SNTG1: variants seen among roughly 807,000 people sequenced by gnomAD.
SNTG1 encodes the protein gamma-1-syntrophin.
In SNTG1, 39 loss-of-function variants were observed where a neutral mutation model predicts 74.7. That is an observed-to-expected ratio of 0.52 (90% CI 0.40 to 0.68). SNTG1 has a LOEUF of 0.68. SNTG1 is among the 30% of genes least tolerant of loss of function. SNTG1 has a pLI of 0.00. For synonymous variants in SNTG1, 254 were observed against 217.1 expected (o/e 1.17, Z -1.49); for missense variants, 685 against 609.5 (o/e 1.12, Z -1.30).
rs72640733 is a variant in SNTG1, at chr8:50,220,251, G to A, written c.-28+47616G>A. On this transcript the variant is annotated intron_variant, in intron 2 of 18. Transcript: ENST00000642720. The stretch of plus-strand genomic sequence containing the variant: ...TTTCAATGCAGCTGTCTTTAATGTC[G>A]ATAGGAAGTGTGTGAAAGATTTGAA... Among the ~76,000 whole-genome samples, 519 of 152,164 alleles carry A rather than the reference G, an allele frequency of 3.4e-3. 2 individuals are homozygous for A. The highest frequency in any genetic ancestry group is 5.1e-3 in the Non-Finnish European group (346 of 68,020).
intron 1 of SNTG1, among the ~76,000 whole-genome samples, chr8:50,085,584 C>T (rs1320185980): frequency 6.6e-6 from 1 of 152,202 alleles, no homozygotes; most frequent in Non-Finnish European, 1.5e-5. Flanking sequence ...GTGTTAATTT[C>T]ATTCTTAGGC....
At chr8:50,146,301 T>C (rs772024014) in intron 1 of SNTG1, among the ~76,000 whole-genome samples, 34 of 152,148 alleles carry the variant, frequency 2.2e-4, no homozygotes, top group Non-Finnish European at 4.6e-4. Context: ...GTGGATCACC[T>C]GAGGTCAGGA....
At chr8:50,188,590 T>C (rs954475634) in intron 2 of SNTG1, among the ~76,000 whole-genome samples, 2 of 152,086 alleles carry the variant, frequency 1.3e-5, no homozygotes, top group Admixed American at 1.3e-4. Context: ...GTAAGAGCCA[T>C]GCACATTTGG....
chr8:50,126,320 A>C (rs1157897580), intron 1 of SNTG1, among the ~76,000 whole-genome samples: 1 of 152,178 alleles, frequency 6.6e-6, no homozygotes, highest in African/African-American at 2.4e-5. Flanking sequence ...CAGGCTGTAT[A>C]GTTTTATGAG....
At chr8:50,773,649 G>A (rs545726434) in intron 18 of SNTG1, among the ~76,000 whole-genome samples, 33 of 152,156 alleles carry the variant, frequency 2.2e-4, no homozygotes, top group African/African-American at 7.7e-4. Flanking sequence ...GGAAGAATGA[G>A]AATCTGATGT....
At chr8:50,212,649 G>C (rs1382836537) in intron 2 of SNTG1, among the ~76,000 whole-genome samples, 1 of 152,158 alleles carries the variant, frequency 6.6e-6, no homozygotes, top group Non-Finnish European at 1.5e-5. Context: ...GGCCACAGTG[G>C]TATGAGACAG....
chr8:49,913,026 A>G (rs983491679), intron 1 of SNTG1, among the ~76,000 whole-genome samples: 1 of 152,176 alleles, frequency 6.6e-6, no homozygotes. Flanking sequence ...GTTGATTCTT[A>G]TTTCTAGTTT....
At chr8:50,604,817 C>T (rs1374366837) in intron 13 of SNTG1, among the ~76,000 whole-genome samples, 2 of 152,108 alleles carry the variant, frequency 1.3e-5, no homozygotes, top group Non-Finnish European at 2.9e-5. Context: ...CAAAAGGATT[C>T]TTTCACCCTA....
intron 2 of SNTG1, among the ~76,000 whole-genome samples, chr8:50,303,239 T>A (rs895122679): frequency 1.3e-5 from 2 of 152,144 alleles, no homozygotes; most frequent in Admixed American, 1.3e-4. Context: ...TTGATTCAAA[T>A]AGTTCTTGTT....
intron 1 of SNTG1, among the ~76,000 whole-genome samples, chr8:49,977,637 T>C (rs318903): frequency 0.88 from 134,499 of 152,250 alleles, 59,639 homozygotes; most frequent in East Asian, 1. Flanking sequence ...GGAAAGATGC[T>C]GATGAAGATC....
At position 50,619,707 on chromosome 8, in the gene SNTG1, G is replaced by A. The variant is rs193139982; in HGVS notation, c.849+28790G>A. Among the ~76,000 whole-genome samples the A allele has an allele frequency of 5.2e-3, 782 of 150,094 alleles. 2 individuals are homozygous for A. Among genetic ancestry groups the A allele is most frequent in the Middle Eastern group, 0.01 (3 of 290 alleles). On this transcript the variant is annotated intron_variant, in intron 13 of 18. Coordinates refer to ENST00000642720, the MANE Select transcript of SNTG1 (RefSeq NM_018967.5). ...GATCGTGCCACTGCACTGCAGCCTG[G>A]GCGACAGAGCGAGACTCCGTCTCGA...
intron 1 of SNTG1, among the ~76,000 whole-genome samples, chr8:49,950,490 C>G (rs1470674225): frequency 6.6e-6 from 1 of 151,812 alleles, no homozygotes; most frequent in Non-Finnish European, 1.5e-5. Flanking sequence ...GATTTTTTTG[C>G]CAATTAAGTA....
chr8:50,139,129 A>T lies in SNTG1; in HGVS notation c.-102-33432A>T, dbSNP rs183403984. On this transcript the variant is annotated intron_variant, in intron 1 of 18. Transcript: ENST00000642720. ...CATATATTTGCATATATTTATGTAC[A>T]TTTGTGTATATCTGTGGGTATTTAT... Among the ~76,000 whole-genome samples the T allele has an allele frequency of 7.9e-5, 12 of 152,250 alleles. No individual in the cohort carries two copies. In the East Asian group the frequency reaches 2.1e-3, roughly 27 times the overall value.
chr8:50,257,922 C>A (rs2086966273), intron 2 of SNTG1, among the ~76,000 whole-genome samples: 1 of 152,084 alleles, frequency 6.6e-6, no homozygotes, highest in South Asian at 2.1e-4. Flanking sequence ...GGTGTGAAAC[C>A]AATAGAGGCA....
intron 1 of SNTG1, among the ~76,000 whole-genome samples, chr8:50,101,804 C>A (rs908164610): frequency 6.6e-6 from 1 of 151,662 alleles, no homozygotes; most frequent in Non-Finnish European, 1.5e-5. Context: ...TGAGAACATG[C>A]GGTGTTTGGT....
At chr8:50,347,318 C>T (rs74628606) in intron 2 of SNTG1, among the ~76,000 whole-genome samples, 2,106 of 152,292 alleles carry the variant, frequency 0.014, 56 homozygotes, top group African/African-American at 0.048. Flanking sequence ...TGAGTAGCAG[C>T]ACATTTGTTT....
At chr8:50,091,757 G>A (rs547013842) in intron 1 of SNTG1, among the ~76,000 whole-genome samples, 3 of 152,118 alleles carry the variant, frequency 2.0e-5, no homozygotes, top group African/African-American at 7.2e-5. Context: ...CCTGAAGAAT[G>A]GTCAATGAGA....
intron 2 of SNTG1, among the ~76,000 whole-genome samples, chr8:50,176,977 T>C (rs1366314916): frequency 3.3e-5 from 5 of 152,110 alleles, no homozygotes; most frequent in African/African-American, 9.7e-5. Context: ...CAAGAGAAGG[T>C]GGGACTGTGC....
chr8:50,191,165 T>C (rs926488305), intron 2 of SNTG1, among the ~76,000 whole-genome samples: 1 of 152,154 alleles, frequency 6.6e-6, no homozygotes, highest in Non-Finnish European at 1.5e-5. Context: ...GGCTGGGTTT[T>C]GTTTATTTGT....
Sources: gnomAD v4.1 joint callset for allele counts (sites outside exome capture counted in the v4.1 genomes callset) on GRCh38, gnomAD v4.1.1 for gene constraint, MANE v1.5 for transcripts, NCBI Gene and HGNC (gene_info 2026-07-23, HGNC 2026-07-21) for gene names.